Variants in WWP1 observed in about 807,000 individuals in gnomAD.
WWP1 encodes WW domain containing E3 ubiquitin protein ligase 1.
WWP1 carries 49 observed loss-of-function variants against 130.6 expected under a neutral mutation model. That is an observed-to-expected ratio of 0.38 (90% CI 0.30 to 0.48). The LOEUF is 0.48. WWP1 is among the 20% of genes least tolerant of loss of function. WWP1 has a pLI of 0.99. For missense variants in WWP1, 809 were observed against 1,100.6 expected (o/e 0.74, Z 3.75); for synonymous variants, 332 against 367.8 (o/e 0.90, Z 1.11).
chr8:86,414,916 G>A (rs1197804478), intron 9 of WWP1, among the ~76,000 whole-genome samples: 1 of 104,336 alleles, frequency 9.6e-6, no homozygotes, highest in Non-Finnish European at 1.7e-5. Flanking sequence ...CCTAAATAGC[G>A]ATTAGGCAAC....
intron 24 of WWP1, among the ~76,000 whole-genome samples, chr8:86,463,071 T>C (rs1357986532): frequency 6.6e-6 from 1 of 152,162 alleles, no homozygotes; most frequent in Admixed American, 6.5e-5. Context: ...GGCAGTTGTT[T>C]GAGTTGAAAG....
intron 3 of WWP1, among the ~76,000 whole-genome samples, chr8:86,377,974 T>C (rs1563479125): frequency 6.6e-6 from 1 of 152,220 alleles, no homozygotes; most frequent in Non-Finnish European, 1.5e-5. Flanking sequence ...GTCTCATCTA[T>C]CTTCCCATTG....
intron 5 of WWP1, among the ~76,000 whole-genome samples, chr8:86,386,095 C>T (rs1205970589): frequency 6.6e-6 from 1 of 152,184 alleles, no homozygotes; most frequent in Non-Finnish European, 1.5e-5. Flanking sequence ...CATCTTCATA[C>T]CCTGACTGCT....
intron 15 of WWP1, 33 bp from the exon 16 acceptor site, chr8:86,435,600 C>T: frequency 6.2e-7 from 1 of 1,611,460 alleles, no homozygotes; most frequent in Non-Finnish European, 8.5e-7. Context: ...TACTATAACT[C>T]AGATGATATT....
chr8:86,439,537 T>C (rs1810485147), intron 17 of WWP1, among the ~76,000 whole-genome samples: 1 of 152,130 alleles, frequency 6.6e-6, no homozygotes, highest in Non-Finnish European at 1.5e-5. Context: ...TATTCTGTTG[T>C]ATGGAAATAT....
intron 24 of WWP1, among the ~76,000 whole-genome samples, 183 bp downstream of exon 24, chr8:86,462,029 A>G (rs1012695000): frequency 6.6e-5 from 10 of 152,356 alleles, no homozygotes; most frequent in Non-Finnish European, 1.5e-4. Context: ...CATTAATAGA[A>G]ATATTTGAGA....
chr8:86,420,523 T>C (rs1326807200), intron 9 of WWP1, among the ~76,000 whole-genome samples: 1 of 152,140 alleles, frequency 6.6e-6, no homozygotes, highest in African/African-American at 2.4e-5. Context: ...TAGATGTGTA[T>C]GTGTGCAGGA....
intron 5 of WWP1, 93 bp from the exon 6 acceptor site, chr8:86,398,249 C>T: frequency 1.5e-6 from 2 of 1,362,910 alleles, no homozygotes; most frequent in Non-Finnish European, 2.0e-6. Context: ...ATGTCAAGTA[C>T]TGAATTAGAG....
intron 1 of WWP1, among the ~76,000 whole-genome samples, chr8:86,350,240 G>A (rs1248032067): frequency 6.6e-6 from 1 of 152,014 alleles, no homozygotes; most frequent in Non-Finnish European, 1.5e-5. Flanking sequence ...ATCCACTATC[G>A]CTTTATTTTA....
chr8:86,410,716 T>TC (rs1451779282), intron 8 of WWP1, among the ~76,000 whole-genome samples: 2 of 151,458 alleles, frequency 1.3e-5, no homozygotes, highest in African/African-American at 4.9e-5. Flanking sequence ...TTTTTTTTTT[T>TC]TTTCTGTATC....
Position 86,435,544 on chromosome 8 carries a change from T to G in WWP1, c.1677+17T>G. 1.2e-6 allele frequency: 2 copies of G among 1,613,890 alleles called. No individual in the cohort carries two copies. Among genetic ancestry groups the G allele is most frequent in the Middle Eastern group, 1.7e-4 (1 of 6,058 alleles). ...TTGTGCCAGGTACTATAGTGGTAAATAAATCTTATACTCAATAATTTAGTC... is the reference window on the plus strand; with the variant it reads ...TTGTGCCAGGTACTATAGTGGTAAAGAAATCTTATACTCAATAATTTAGTC... On this transcript the variant is annotated intron_variant, in intron 15 of 24. Coordinates refer to ENST00000517970, the MANE Select transcript of WWP1 (RefSeq NM_007013.4).
In WWP1 at chr8:86,398,600, A is replaced by C; in HGVS notation, c.501A>C (p.Leu167Phe). The C allele has an allele frequency of 6.2e-7, 1 of 1,612,868 alleles. No individual in the cohort carries two copies. Reference sequence around the variant, plus strand: ...AAATACAGGAAAATGGTGATGCCTTACATGAAAATGGAGAGCCTTCAGCAA... The same window carrying C: ...AAATACAGGAAAATGGTGATGCCTTCCATGAAAATGGAGAGCCTTCAGCAA... ...TIEIQENGDA[L>F]HENGEPSART... Residue 167 changes from leucine to phenylalanine, a missense_variant, in exon 7 of 25, where the codon TTA becomes TTC. Physicochemically the swap from Leu to Phe is conservative, Grantham distance 22 (BLOSUM62 0). Coordinates refer to ENST00000517970, the MANE Select transcript of WWP1 (RefSeq NM_007013.4).
chr8:86,452,419 T>C, intron 20 of WWP1, 140 bp from the exon 21 acceptor site: 1 of 695,392 alleles, frequency 1.4e-6, no homozygotes, highest in East Asian at 2.8e-5. Flanking sequence ...TATTCATACA[T>C]ATACACACAC....
chr8:86,440,485 GT>G (rs1219622307), intron 17 of WWP1: 7 of 236,582 alleles, frequency 3.0e-5, no homozygotes, highest in Admixed American at 2.6e-4. Flanking sequence ...TTGCTTTACT[GT>G]TTTCTAGCAT....
At chr8:86,380,433 T>G (rs1308023608) in intron 3 of WWP1, among the ~76,000 whole-genome samples, 1 of 152,164 alleles carries the variant, frequency 6.6e-6, no homozygotes, top group African/African-American at 2.4e-5. Flanking sequence ...CAAAACTGTT[T>G]TAAAATTGAT....
At chr8:86,347,134 G>C (rs1482049322) in intron 1 of WWP1, among the ~76,000 whole-genome samples, 2 of 152,012 alleles carry the variant, frequency 1.3e-5, no homozygotes, top group Admixed American at 6.6e-5. Flanking sequence ...ACAGGTGTAT[G>C]TCATGACACC....
chr8:86,353,202 CAA>C (rs1823048054), intron 1 of WWP1, among the ~76,000 whole-genome samples: 1 of 150,466 alleles, frequency 6.6e-6, no homozygotes, highest in African/African-American at 2.4e-5. Flanking sequence ...ATGAAAGAAA[CAA>C]AACAAATTTC....
intron 4 of WWP1, 121 bp downstream of exon 4, chr8:86,380,985 A>G: frequency 8.1e-7 from 1 of 1,233,050 alleles, no homozygotes; most frequent in Non-Finnish European, 1.1e-6. Context: ...GTGGATCGAC[A>G]ATTTAAAGTA....
intron 14 of WWP1, among the ~76,000 whole-genome samples, chr8:86,434,997 G>A (rs1404451224): frequency 2.6e-5 from 4 of 152,194 alleles, no homozygotes; most frequent in African/African-American, 4.8e-5. Flanking sequence ...CACGTGAACC[G>A]TGTGATCTGG....
Sources: gnomAD v4.1 joint callset for allele counts (sites outside exome capture counted in the v4.1 genomes callset) on GRCh38, gnomAD v4.1.1 for gene constraint, MANE v1.5 for transcripts, NCBI Gene and HGNC (gene_info 2026-07-23, HGNC 2026-07-21) for gene names.